Variants in PRKN observed in about 807,000 individuals in gnomAD.
PRKN encodes parkin RBR E3 ubiquitin protein ligase.
PRKN carries 56 observed loss-of-function variants against 59.5 expected under a neutral mutation model. The observed-to-expected ratio is 0.94, with a 90% CI of 0.76 to 1.18. PRKN has a LOEUF of 1.18. Ranked by LOEUF, PRKN falls within the 50% of genes most tolerant of loss-of-function variation. The pLI, the probability that PRKN is intolerant of heterozygous loss-of-function variation, is 0.00. For synonymous variants in PRKN, 250 were observed against 222.1 expected (o/e 1.13, Z -1.12); for missense variants, 657 against 596.4 (o/e 1.10, Z -1.06).
At chr6:161,804,122 T>G (rs1044100718) in intron 6 of PRKN, among the ~76,000 whole-genome samples, 3 of 152,174 alleles carry the variant, frequency 2.0e-5, no homozygotes, top group Admixed American at 6.5e-5. Context: ...ATGAAGGTCA[T>G]TATTGGCTGA....
intron 5 of PRKN, among the ~76,000 whole-genome samples, chr6:161,980,604 G>A (rs1781223890): frequency 6.6e-6 from 1 of 152,220 alleles, no homozygotes; most frequent in Non-Finnish European, 1.5e-5. Context: ...AGGTATTGGA[G>A]TCACCACAGC....
intron 1 of PRKN, among the ~76,000 whole-genome samples, chr6:162,585,496 A>G (rs1175626922): frequency 1.3e-5 from 2 of 152,164 alleles, no homozygotes; most frequent in East Asian, 1.9e-4. Context: ...TCTCAAGGGT[A>G]ATGCAGGGCA....
chr6:162,023,304 G>A (rs1453975836), intron 5 of PRKN, among the ~76,000 whole-genome samples: 2 of 152,150 alleles, frequency 1.3e-5, no homozygotes, highest in Admixed American at 6.6e-5. Flanking sequence ...CAAGGACAGA[G>A]GGCTTTCTGT....
In PRKN at chr6:161,462,404, T is replaced by C. The variant is rs1337659214; in HGVS notation, c.1084-75527A>G. ...TTTTAGGAGCTGATTTGGTATTCAG[T>C]TAATACTGTAGAACGTGCTCTTCCA... On this transcript the variant is annotated intron_variant, in intron 9 of 11. Transcript: ENST00000366898. This position sits in a 1 kb window ranked among gnomAD's most constrained non-coding sequence, Gnocchi z 4.5. 1.3e-5 allele frequency among the ~76,000 whole-genome samples: 2 copies of C among 152,176 alleles called. No homozygotes were observed. The highest frequency in any genetic ancestry group is 2.9e-5 in the Non-Finnish European group (2 of 68,024).
At chr6:162,402,360 T>C (rs1787839144) in intron 2 of PRKN, among the ~76,000 whole-genome samples, 1 of 152,078 alleles carries the variant, frequency 6.6e-6, no homozygotes, top group Admixed American at 6.6e-5. Context: ...AATAGCCATA[T>C]GTACTTTTCT....
intron 7 of PRKN, among the ~76,000 whole-genome samples, chr6:161,699,704 G>A (rs561700399): frequency 3.5e-4 from 54 of 152,264 alleles, no homozygotes; most frequent in African/African-American, 1.3e-3. Flanking sequence ...GTTGCCTATG[G>A]ATGGGGAAAG....
intron 3 of PRKN, 54 bp downstream of exon 3, chr6:162,262,471 C>T: frequency 6.2e-7 from 1 of 1,609,322 alleles, no homozygotes; most frequent in East Asian, 2.2e-5. Context: ...TCCATGCAGA[C>T]TGCACTAAAC....
rs139807540 is a variant in PRKN at position 162,087,427 on chromosome 6, G to GA, written c.535-33254dup. On this transcript the variant is annotated intron_variant, in intron 4 of 11. Transcript: ENST00000366898. ...TATACATTTGAAGTTCATCAAAATA[G>GA]ATTTGGAGTTGGCACAGATTAGAAT... Among the ~76,000 whole-genome samples the GA allele has an allele frequency of 2.5e-3, 376 of 152,136 alleles. 2 individuals carry two copies. The highest frequency in any genetic ancestry group is 8.5e-3 in the African/African-American group (354 of 41,522).
At chr6:161,382,159 A>G (rs1368716942) in intron 10 of PRKN, among the ~76,000 whole-genome samples, 1 of 151,590 alleles carries the variant, frequency 6.6e-6, no homozygotes, top group Non-Finnish European at 1.5e-5. Context: ...ACAAACAAAC[A>G]AACAAAACAA....
In PRKN at chr6:162,414,099, C is replaced by T. The variant is rs1305567488; in HGVS notation, c.171+29211G>A. On this transcript the variant is annotated intron_variant, in intron 2 of 11. Coordinates refer to ENST00000366898, the MANE Select transcript of PRKN (RefSeq NM_004562.3). ...TCGGGAGGCTGAAGCAGGAGAATTG[C>T]CCGAACCTGGGAGGTGGAGACTGCA... Among the ~76,000 whole-genome samples the T allele has an allele frequency of 1.3e-5, 2 of 152,014 alleles. 1 individual carries two copies. The highest frequency in any genetic ancestry group is 2.9e-5 in the Non-Finnish European group (2 of 68,006).
rs1010274061 is a variant in PRKN at position 161,388,294 on chromosome 6, G to A, written c.1084-1417C>T. ...GGTAGTGAGATAGCACATGCTGAGT[G>A]GCTACAATCACAGCATACAATGTGT... On this transcript the variant is annotated intron_variant, in intron 9 of 11. Transcript: ENST00000366898. The surrounding 1 kb of genome is among the most constrained non-coding windows in gnomAD (Gnocchi z 4.3). 7.2e-5 allele frequency among the ~76,000 whole-genome samples: 11 copies of A among 152,312 alleles called. No individual in the cohort carries two copies. The highest frequency in any genetic ancestry group is 3.4e-3 in the Middle Eastern group (1 of 294).
chr6:162,591,974 T>A (rs1211820194), intron 1 of PRKN, among the ~76,000 whole-genome samples: 1 of 151,504 alleles, frequency 6.6e-6, no homozygotes, highest in African/African-American at 2.4e-5. Context: ...TTACAAAGAG[T>A]CTTCAAAACC....
intron 5 of PRKN, among the ~76,000 whole-genome samples, chr6:162,025,970 C>G (rs970400040): frequency 5.9e-5 from 9 of 152,062 alleles, no homozygotes; most frequent in Admixed American, 4.6e-4. Context: ...CAAGCAGTTG[C>G]AAACCACTAT....
In PRKN at chr6:162,721,020, T is replaced by A. The variant is rs112284792; in HGVS notation, c.7+6642A>T. 5.1e-3 allele frequency among the ~76,000 whole-genome samples: 781 copies of A among 152,230 alleles called. 7 individuals are homozygous for A. The highest frequency in any genetic ancestry group is 0.017 in the African/African-American group (714 of 41,558). On this transcript the variant is annotated intron_variant, in intron 1 of 11. Transcript: ENST00000366898. ...GAGACATTAATCTATTCTACAAAAA[T>A]AAGAACTTTTTAAAAAGAAATATGG...
intron 7 of PRKN, among the ~76,000 whole-genome samples, chr6:161,631,670 T>C (rs1476607692): frequency 1.3e-5 from 2 of 152,194 alleles, no homozygotes; most frequent in African/African-American, 2.4e-5. Context: ...AAACGCTTTT[T>C]GAAATGTCTT....
chr6:161,676,709 G>A (rs772911251), intron 7 of PRKN, among the ~76,000 whole-genome samples: 2 of 152,186 alleles, frequency 1.3e-5, no homozygotes, highest in Non-Finnish European at 2.9e-5. Context: ...CCTTGCCTTA[G>A]ATTGGCAGGC....
At chr6:162,379,757 A>G (rs1258432545) in intron 2 of PRKN, among the ~76,000 whole-genome samples, 1 of 152,198 alleles carries the variant, frequency 6.6e-6, no homozygotes, top group Admixed American at 6.5e-5. Context: ...AGTACATGGT[A>G]TGAGCAGACA....
At chr6:161,476,652 G>A (rs1006222068) in intron 9 of PRKN, among the ~76,000 whole-genome samples, 1 of 152,198 alleles carries the variant, frequency 6.6e-6, no homozygotes, top group Non-Finnish European at 1.5e-5. Context: ...GGAAGTCAGG[G>A]CAGCCGGGAG....
intron 2 of PRKN, among the ~76,000 whole-genome samples, chr6:162,287,974 C>A (rs1327914479): frequency 1.3e-5 from 2 of 152,132 alleles, no homozygotes; most frequent in African/African-American, 4.8e-5. Flanking sequence ...GGCTCCATGA[C>A]CCACAATTTT....
Sources: allele counts gnomAD v4.1 joint callset (sites outside exome capture counted in the v4.1 genomes callset), GRCh38; gene constraint gnomAD v4.1.1; non-coding constraint Gnocchi (gnomAD v3.1); transcripts MANE v1.5; gene names NCBI Gene and HGNC (gene_info 2026-07-23, HGNC 2026-07-21).